The following FSTL5 variants were observed in gnomAD, a reference collection of about 807,000 sequenced individuals.
FSTL5 encodes the protein follistatin-related protein 5.
Under a neutral mutation model 89.1 loss-of-function variants are expected in FSTL5, and 62 were observed. The observed-to-expected ratio is 0.70, with a 90% CI of 0.57 to 0.86. The LOEUF is 0.86. Ranked by LOEUF, FSTL5 falls within the 40% of genes least tolerant of loss-of-function variation. The pLI is 0.00. For synonymous variants in FSTL5, 383 were observed against 346.2 expected, an observed-to-expected ratio of 1.11 and a Z score of -1.18; for missense variants, 1,057 against 1,001.6, an observed-to-expected ratio of 1.06 and a Z score of -0.75.
intron 7 of FSTL5, among the ~76,000 whole-genome samples, chr4:161,649,229 C>G (rs939013316): frequency 1.3e-5 from 2 of 152,104 alleles, no homozygotes; most frequent in Non-Finnish European, 2.9e-5. Context: ...TACATGTGGA[C>G]CCAGCATTTC....
intron 8 of FSTL5, among the ~76,000 whole-genome samples, chr4:161,579,497 C>A (rs1733349898): frequency 6.6e-6 from 1 of 151,968 alleles, no homozygotes; most frequent in Non-Finnish European, 1.5e-5. Flanking sequence ...GTGGGCATAT[C>A]ACCTGAGGTC....
intron 2 of FSTL5, among the ~76,000 whole-genome samples, chr4:162,087,844 T>C (rs1225321314): frequency 6.6e-6 from 1 of 152,160 alleles, no homozygotes; most frequent in Non-Finnish European, 1.5e-5. Flanking sequence ...ACTATTTAAG[T>C]GTATGAATCA....
chr4:161,927,961 C>G (rs1734175270), intron 3 of FSTL5, among the ~76,000 whole-genome samples: 1 of 151,636 alleles, frequency 6.6e-6, no homozygotes, highest in Admixed American at 6.6e-5. Flanking sequence ...CCATTAACAC[C>G]CTAACATTAA....
intron 15 of FSTL5, among the ~76,000 whole-genome samples, chr4:161,443,079 T>C (rs754432396): frequency 5.3e-5 from 8 of 151,996 alleles, no homozygotes; most frequent in Non-Finnish European, 1.0e-4. Context: ...AAAATAGCTA[T>C]TCAGCTCTAG....
chr4:162,072,312 A>G (rs1260614169), intron 2 of FSTL5, among the ~76,000 whole-genome samples: 1 of 151,850 alleles, frequency 6.6e-6, no homozygotes, highest in Non-Finnish European at 1.5e-5. Context: ...ACCAACACAC[A>G]GAACAAAGAT....
intron 3 of FSTL5, 33 bp from the exon 4 acceptor site, chr4:161,920,685 G>A: frequency 1.3e-6 from 2 of 1,579,188 alleles, no homozygotes; most frequent in East Asian, 2.2e-5. Context: ...AAAATCGTTT[G>A]GTTCATTTGT....
chr4:161,999,232 T>C (rs1736389920), intron 3 of FSTL5, among the ~76,000 whole-genome samples: 1 of 152,182 alleles, frequency 6.6e-6, no homozygotes, highest in South Asian at 2.1e-4. Context: ...GCTATAAAAA[T>C]ATATTATAGA....
chr4:161,553,916 TCAAA>T (rs1732299476), intron 8 of FSTL5, among the ~76,000 whole-genome samples: 1 of 151,580 alleles, frequency 6.6e-6, no homozygotes, highest in African/African-American at 2.4e-5. Flanking sequence ...TTTAAATAAA[TCAAA>T]CAAATCTAAT....
At chr4:162,018,674 T>C (rs1736987504) in intron 3 of FSTL5, among the ~76,000 whole-genome samples, 1 of 152,010 alleles carries the variant, frequency 6.6e-6, no homozygotes, top group Non-Finnish European at 1.5e-5. Context: ...ATCAGTGCCA[T>C]CTGCTAACTC....
intron 14 of FSTL5, among the ~76,000 whole-genome samples, chr4:161,458,264 G>A (rs1013299265): frequency 6.6e-6 from 1 of 152,178 alleles, no homozygotes; most frequent in Non-Finnish European, 1.5e-5. Flanking sequence ...CTCACATTCT[G>A]AGAGTGGATT....
At chr4:161,827,499 G>T (rs1730702779) in intron 4 of FSTL5, among the ~76,000 whole-genome samples, 1 of 152,192 alleles carries the variant, frequency 6.6e-6, no homozygotes, top group Non-Finnish European at 1.5e-5. Flanking sequence ...GGTGGTGAGT[G>T]GGGGCTTAGA....
chr4:162,115,392 AT>A (rs1420220059), intron 1 of FSTL5, among the ~76,000 whole-genome samples: 2 of 152,158 alleles, frequency 1.3e-5, no homozygotes, highest in Non-Finnish European at 2.9e-5. Flanking sequence ...TGTTCTGGAA[AT>A]TTTTTGTAAA....
intron 15 of FSTL5, among the ~76,000 whole-genome samples, chr4:161,405,799 C>T (rs1731356353): frequency 6.6e-6 from 1 of 152,078 alleles, no homozygotes; most frequent in Admixed American, 6.6e-5. Flanking sequence ...ACAAAGGAAG[C>T]GACTCATCAT....
intron 6 of FSTL5, among the ~76,000 whole-genome samples, chr4:161,670,775 C>T (rs1737072801): frequency 6.6e-6 from 1 of 152,124 alleles, no homozygotes; most frequent in African/African-American, 2.4e-5. Flanking sequence ...TCACAGGGTC[C>T]AAAGACTGGG....
intron 4 of FSTL5, among the ~76,000 whole-genome samples, chr4:161,841,754 C>T (rs1438811729): frequency 6.6e-6 from 1 of 152,022 alleles, no homozygotes; most frequent in Non-Finnish European, 1.5e-5. Context: ...GAAAGGTGGC[C>T]CATGTAGTAG....
chr4:161,477,702 C>A (rs968392036), intron 13 of FSTL5, among the ~76,000 whole-genome samples: 41 of 151,782 alleles, frequency 2.7e-4, no homozygotes, highest in African/African-American at 8.7e-4. Context: ...ATATACATAT[C>A]AATTTTAATT....
intron 4 of FSTL5, among the ~76,000 whole-genome samples, chr4:161,887,427 C>CTATCT (rs1553976602): frequency 5.5e-3 from 135 of 24,716 alleles, no homozygotes; most frequent in African/African-American, 0.015. Flanking sequence ...ATCTATCTAT[C>CTATCT]ATCTATCTAC....
At chr4:161,556,816 G>T (rs1227486013) in intron 8 of FSTL5, among the ~76,000 whole-genome samples, 1 of 144,932 alleles carries the variant, frequency 6.9e-6, no homozygotes, top group South Asian at 2.2e-4. Context: ...CTCGGTAAAA[G>T]ATTATATATA....
intron 7 of FSTL5, among the ~76,000 whole-genome samples, chr4:161,646,208 T>C (rs1250641950): frequency 2.0e-5 from 3 of 148,304 alleles, no homozygotes; most frequent in Non-Finnish European, 4.5e-5. Context: ...TCATGTATAA[T>C]ATATATCATG....
Sources: gnomAD v4.1 joint callset for allele counts (sites outside exome capture counted in the v4.1 genomes callset) on GRCh38, gnomAD v4.1.1 for gene constraint, MANE v1.5 for transcripts, NCBI Gene and HGNC (gene_info 2026-07-23, HGNC 2026-07-21) for gene names.